The following FMN1 variants were observed in gnomAD, a reference collection of about 807,000 sequenced individuals.
FMN1 encodes the protein formin-1.
A neutral mutation model predicts 132.4 loss-of-function variants in FMN1; 110 were observed. The ratio of observed to expected loss-of-function variants is 0.83; its 90% CI spans 0.71 to 0.97. The LOEUF (loss-of-function observed/expected upper bound fraction) is 0.97. Among genes scored for constraint, FMN1 ranks in the 50% least tolerant of loss-of-function variants. The probability of loss-of-function intolerance (pLI) is 0.00; values close to 1 mark genes in which losing one functional copy is unlikely to be tolerated. For synonymous variants in FMN1, 722 were observed against 651.7 expected (o/e 1.11, Z -1.64); for missense variants, 1,792 against 1,705.3 (o/e 1.05, Z -0.90).
intron 9 of FMN1, among the ~76,000 whole-genome samples, chr15:32,951,659 A>G (rs1438848542): frequency 6.6e-6 from 1 of 152,214 alleles, no homozygotes; most frequent in Non-Finnish European, 1.5e-5. Flanking sequence ...TGAAAGCACC[A>G]TTGATGTGCC....
At chr15:32,978,817 C>G (rs1357747764) in intron 7 of FMN1, among the ~76,000 whole-genome samples, 3 of 152,180 alleles carry the variant, frequency 2.0e-5, no homozygotes, top group African/African-American at 7.2e-5. Flanking sequence ...TTTTGAAAAC[C>G]ATGATGCGGA....
chr15:32,767,362 A>C lies in FMN1; in HGVS notation c.*6948T>G, dbSNP rs2056082859. On this transcript the variant is annotated 3_prime_UTR_variant, in exon 21 of 21. Coordinates refer to ENST00000616417, the MANE Select transcript of FMN1 (RefSeq NM_001277313.2). ...GAAAACTAAACCCTGAAGTACTTGAAATAATTTACATTTCTGCTAGGTCTG... is the reference window on the plus strand; with the variant it reads ...GAAAACTAAACCCTGAAGTACTTGACATAATTTACATTTCTGCTAGGTCTG... The C allele has an allele frequency of 6.6e-6, 1 of 152,196 alleles. No individual in the cohort carries two copies. Among genetic ancestry groups the C allele is most frequent in the African/African-American group, 2.4e-5 (1 of 41,442 alleles). 9.4% of individuals were successfully genotyped at this position (152,196 alleles called of 1,614,324 possible). A position where few individuals can be genotyped will look rare whatever the true frequency, so the allele number is the denominator to read the frequency against.
At chr15:33,136,465 T>C (rs1044647866) in intron 4 of FMN1, among the ~76,000 whole-genome samples, 1 of 152,220 alleles carries the variant, frequency 6.6e-6, no homozygotes, top group African/African-American at 2.4e-5. Context: ...GACTATGGAA[T>C]AGTTCTTAAA....
At chr15:32,865,926 A>G (rs1042020519) in intron 16 of FMN1, among the ~76,000 whole-genome samples, 1 of 152,094 alleles carries the variant, frequency 6.6e-6, no homozygotes, top group Non-Finnish European at 1.5e-5. Context: ...ATTTAAATTA[A>G]AAGTGCTAAC....
chr15:33,125,881 CTGAT>C (rs939664209), intron 4 of FMN1, among the ~76,000 whole-genome samples: 4 of 152,170 alleles, frequency 2.6e-5, no homozygotes, highest in South Asian at 2.1e-4. Context: ...TCAAGCATGA[CTGAT>C]TGGCTATAGC....
rs1189135531 is a variant in FMN1, at chr15:33,104,715, C to T, written c.1868-15741G>A. 4.6e-5 allele frequency among the ~76,000 whole-genome samples: 7 copies of T among 151,732 alleles called. No homozygotes were observed. In the East Asian group the frequency reaches 7.7e-4, roughly 17 times the overall value. ...ATAGTTTTGTGATTTTCCATGGAGC[C>T]AAGGATTGTGTGAATTAACTGAAAA... On this transcript the variant is annotated intron_variant, in intron 4 of 20. Coordinates refer to ENST00000616417, the MANE Select transcript of FMN1 (RefSeq NM_001277313.2).
chr15:33,081,900 C>T (rs902594907), intron 5 of FMN1, among the ~76,000 whole-genome samples: 7 of 152,066 alleles, frequency 4.6e-5, no homozygotes, highest in Non-Finnish European at 4.4e-5. Flanking sequence ...TTACTTGGAA[C>T]GGGATGCTTT....
At chr15:33,068,028 C>G in intron 5 of FMN1, 3 of 1,442,324 alleles carry the variant, frequency 2.1e-6, no homozygotes, top group Non-Finnish European at 2.7e-6. Context: ...AGCAAACACA[C>G]TTGGTCTCTT....
At chr15:32,798,642 C>T (rs2057373319) in intron 19 of FMN1, among the ~76,000 whole-genome samples, 162 bp downstream of exon 19, 1 of 152,164 alleles carries the variant, frequency 6.6e-6, no homozygotes, top group East Asian at 1.9e-4. Context: ...CAAGCTTTCC[C>T]CGAATTTCCC....
chr15:33,056,223 T>C (rs2037209981), intron 6 of FMN1, among the ~76,000 whole-genome samples: 2 of 152,202 alleles, frequency 1.3e-5, no homozygotes, highest in Admixed American at 6.5e-5. Flanking sequence ...AATGTCTCCC[T>C]GTATTTACCA....
At chr15:32,972,454 C>T (rs2031869553) in intron 7 of FMN1, among the ~76,000 whole-genome samples, 1 of 152,180 alleles carries the variant, frequency 6.6e-6, no homozygotes, top group Non-Finnish European at 1.5e-5. Flanking sequence ...TTCATCTCCC[C>T]CATCCTATTG....
rs769605079 is a variant in FMN1 at position 32,908,560 on chromosome 15, G to A, written c.3307C>T (p.Leu1103=). 32 of 1,541,316 alleles carry A rather than the reference G, an allele frequency of 2.1e-5. No individual in the cohort carries two copies. Among genetic ancestry groups the A allele is most frequent in the Non-Finnish European group, 2.7e-5 (30 of 1,126,044 alleles). The stretch of plus-strand genomic sequence containing the variant: ...TCGTAATACTTTCTTATTTTAACCA[G>A]CTCATCCTCTTGGGCTCTCTGTATC... ...LYENRAQEDE[L]VKIRKYYETS... Residue 1103 remains leucine, a synonymous_variant, in exon 12 of 21, where the codon CTG becomes TTG. Transcript: ENST00000616417.
chr15:33,170,430 G>C (rs934783073), intron 3 of FMN1, among the ~76,000 whole-genome samples: 4 of 151,928 alleles, frequency 2.6e-5, no homozygotes, highest in African/African-American at 7.3e-5. Context: ...TGTTAAACTA[G>C]GAAGCTTCTG....
intron 4 of FMN1, among the ~76,000 whole-genome samples, chr15:33,124,170 G>A (rs1348581574): frequency 6.6e-6 from 1 of 152,150 alleles, no homozygotes; most frequent in African/African-American, 2.4e-5. Flanking sequence ...TCCTAACCAT[G>A]CAGAGTGCAA....
chr15:33,066,931 T>A, intron 5 of FMN1: 1 of 1,613,990 alleles, frequency 6.2e-7, no homozygotes. Context: ...CTGCCTGCAC[T>A]AAGGACTTCT....
intron 9 of FMN1, among the ~76,000 whole-genome samples, chr15:32,948,096 C>T (rs1025122207): frequency 4.6e-5 from 7 of 151,960 alleles, no homozygotes; most frequent in African/African-American, 1.4e-4. Flanking sequence ...CTTTTTGAGG[C>T]TAAAGCTATT....
intron 15 of FMN1, among the ~76,000 whole-genome samples, chr15:32,897,597 G>C (rs1200514882): frequency 1.3e-5 from 2 of 152,180 alleles, no homozygotes; most frequent in African/African-American, 2.4e-5. Context: ...TAGAGGGAAA[G>C]TAATAAAAGC....
Position 33,069,376 on chromosome 15 carries a change from CTG to C in FMN1, c.2044-4304_2044-4303del, listed in dbSNP as rs148313984. 4.6e-3 allele frequency among the ~76,000 whole-genome samples: 700 copies of C among 152,322 alleles called. 7 individuals are homozygous for C. The highest frequency in any genetic ancestry group is 0.016 in the African/African-American group (680 of 41,570). The stretch of plus-strand genomic sequence containing the variant: ...GTGAGTGCCTGGGATGGACAGGACA[CTG>C]TTCTGGTTGGAGAGGCAAGTCAAAC... On this transcript the variant is annotated intron_variant, in intron 5 of 20. Transcript: ENST00000616417.
At chr15:32,802,530 T>C (rs770966342) in intron 18 of FMN1, among the ~76,000 whole-genome samples, 9 of 152,200 alleles carry the variant, frequency 5.9e-5, no homozygotes, top group Non-Finnish European at 1.2e-4. Flanking sequence ...ACATTAAAGA[T>C]GGGATCTAAC....
Sources: gnomAD v4.1 joint callset for allele counts (sites outside exome capture counted in the v4.1 genomes callset) on GRCh38, gnomAD v4.1.1 for gene constraint, MANE v1.5 for transcripts, NCBI Gene and HGNC (gene_info 2026-07-23, HGNC 2026-07-21) for gene names.